Variants in SLC24A3 observed in about 807,000 individuals in gnomAD.
The protein encoded by SLC24A3 is solute carrier family 24 member 3.
A neutral mutation model predicts 75.8 loss-of-function variants in SLC24A3; 28 were observed. The observed-to-expected ratio is 0.37, with a 90% confidence interval of 0.27 to 0.51. The LOEUF (loss-of-function observed/expected upper bound fraction) is 0.51, where lower values mean the gene tolerates loss of function less well. Ranked by LOEUF, SLC24A3 falls within the 20% of genes least tolerant of loss-of-function variation. The pLI is 0.94. For synonymous variants in SLC24A3, 372 were observed against 334.1 expected, an observed-to-expected ratio of 1.11 and a Z score of -1.24; for missense variants, 663 against 847.8, an observed-to-expected ratio of 0.78 and a Z score of 2.71.
chr20:19,679,501 C>CGGAGAGGCAGACCGTGG (rs2032581731), intron 9 of SLC24A3, among the ~76,000 whole-genome samples: 1 of 107,118 alleles, frequency 9.3e-6, no homozygotes, highest in South Asian at 4.3e-4. Flanking sequence ...TGGAAAGAGA[C>CGGAGAGGCAGACCGTGG]GGAGAGGGAG....
At chr20:19,490,781 G>A (rs1464786430) in intron 2 of SLC24A3, among the ~76,000 whole-genome samples, 1 of 152,140 alleles carries the variant, frequency 6.6e-6, no homozygotes, top group Non-Finnish European at 1.5e-5. Flanking sequence ...TGCCTAGGGG[G>A]CAAATGGGGA....
intron 2 of SLC24A3, among the ~76,000 whole-genome samples, chr20:19,351,484 C>G (rs1985563846): frequency 6.6e-6 from 1 of 152,164 alleles, no homozygotes; most frequent in Non-Finnish European, 1.5e-5. Context: ...GCCTTATGTC[C>G]TGGCCTGCGA....
intron 2 of SLC24A3, among the ~76,000 whole-genome samples, chr20:19,496,785 A>G (rs542437289): frequency 2.6e-5 from 4 of 152,064 alleles, no homozygotes; most frequent in South Asian, 2.1e-4. Context: ...GTGTAGAAGC[A>G]CTCTGGGAGC....
intron 4 of SLC24A3, among the ~76,000 whole-genome samples, chr20:19,580,328 A>T (rs759509952): frequency 2.0e-4 from 31 of 151,960 alleles, no homozygotes; most frequent in Non-Finnish European, 1.3e-4. Context: ...CTCCATTTAG[A>T]CCTAACTAAT....
chr20:19,286,400 G>A (rs1648893897), intron 2 of SLC24A3, among the ~76,000 whole-genome samples: 1 of 152,062 alleles, frequency 6.6e-6, no homozygotes. Context: ...TGCGTTCAGG[G>A]TACTGGCCAT....
chr20:19,624,195 GT>G (rs1600307869), intron 6 of SLC24A3, among the ~76,000 whole-genome samples: 1 of 152,128 alleles, frequency 6.6e-6, no homozygotes, highest in Admixed American at 6.5e-5. Flanking sequence ...TCTCTCTGAT[GT>G]TTTGATTGGA....
intron 2 of SLC24A3, among the ~76,000 whole-genome samples, chr20:19,416,756 T>C (rs1986834922): frequency 6.6e-6 from 1 of 152,216 alleles, no homozygotes; most frequent in African/African-American, 2.4e-5. Flanking sequence ...TTCCCTTGCT[T>C]GGTCATTTCA....
chr20:19,233,616 A>G (rs1982086606), intron 1 of SLC24A3, among the ~76,000 whole-genome samples: 1 of 152,200 alleles, frequency 6.6e-6, no homozygotes, highest in Non-Finnish European at 1.5e-5. Context: ...TTTAGAAGAC[A>G]CCAGGAATGA....
At chr20:19,499,458 C>T (rs980986539) in intron 2 of SLC24A3, among the ~76,000 whole-genome samples, 1 of 152,158 alleles carries the variant, frequency 6.6e-6, no homozygotes, top group Admixed American at 6.6e-5. Context: ...AACAAACTCT[C>T]TCATGACTCT....
At chr20:19,470,450 C>G (rs6075515) in intron 2 of SLC24A3, among the ~76,000 whole-genome samples, 3 of 151,938 alleles carry the variant, frequency 2.0e-5, no homozygotes, top group Non-Finnish European at 4.4e-5. Flanking sequence ...GTGTTCTTCT[C>G]TCTCCCAAGT....
At chr20:19,454,150 A>G (rs1041260037) in intron 2 of SLC24A3, among the ~76,000 whole-genome samples, 1 of 152,118 alleles carries the variant, frequency 6.6e-6, no homozygotes, top group Admixed American at 6.5e-5. Flanking sequence ...ATGTAATTGA[A>G]TATTTATGGC....
chr20:19,705,959 G>A (rs1307069371), intron 15 of SLC24A3, among the ~76,000 whole-genome samples: 1 of 152,204 alleles, frequency 6.6e-6, no homozygotes. Context: ...TTATGGTGAT[G>A]AACGTCTGTT....
At chr20:19,568,931 C>T (rs1020297134) in intron 3 of SLC24A3, among the ~76,000 whole-genome samples, 1 of 151,914 alleles carries the variant, frequency 6.6e-6, no homozygotes, top group African/African-American at 2.4e-5. Context: ...ATGATGCAGC[C>T]CCTCTCGGAG....
chr20:19,217,438 A>G lies in SLC24A3; in HGVS notation c.142+4454A>G, dbSNP rs117866870. ...GCATACATACAAACATATATAGACA[A>G]ACATACACACAGACGTATGTATGTA... is the stretch of plus-strand genomic sequence containing the variant. On this transcript the variant is annotated intron_variant, in intron 1 of 16. Coordinates refer to ENST00000328041, the MANE Select transcript of SLC24A3 (RefSeq NM_020689.4). 8.5e-5 allele frequency among the ~76,000 whole-genome samples: 13 copies of G among 152,288 alleles called. No homozygotes were observed. In the East Asian group the frequency reaches 2.5e-3, roughly 29 times the overall value.
rs1983115390 is a variant in SLC24A3 at position 19,264,880 on chromosome 20, C to A, written c.143-16079C>A. 3.3e-5 allele frequency among the ~76,000 whole-genome samples: 5 copies of A among 152,296 alleles called. No homozygotes were observed. The South Asian group carries it at 1.0e-3, about 32-fold the overall frequency. ...GAAGCATTCTCAATGCATGTCTGAG[C>A]TTCCAGAGGGATCCTGGTCTTGTTA... On this transcript the variant is annotated intron_variant, in intron 1 of 16. Transcript: ENST00000328041.
At chr20:19,517,821 A>T (rs1325613530) in intron 3 of SLC24A3, among the ~76,000 whole-genome samples, 1 of 152,158 alleles carries the variant, frequency 6.6e-6, no homozygotes, top group African/African-American at 2.4e-5. Context: ...AAGCTTCAAC[A>T]CACAACATAC....
At chr20:19,711,874 G>A (rs143224454) in intron 15 of SLC24A3, among the ~76,000 whole-genome samples, 6 of 152,242 alleles carry the variant, frequency 3.9e-5, no homozygotes, top group Middle Eastern at 3.4e-3. Context: ...TCTTGACCTC[G>A]TGATCTGCCC....
At chr20:19,588,989 A>T (rs368649282) in intron 6 of SLC24A3, among the ~76,000 whole-genome samples, 3 of 152,370 alleles carry the variant, frequency 2.0e-5, no homozygotes, top group East Asian at 3.9e-4. Context: ...GGCAAGGCCC[A>T]TCTCATCTTG....
intron 15 of SLC24A3, among the ~76,000 whole-genome samples, chr20:19,716,157 G>A (rs1405381340): frequency 2.0e-5 from 3 of 152,104 alleles, no homozygotes; most frequent in Non-Finnish European, 4.4e-5. Flanking sequence ...ACAAGTTCCC[G>A]AGAGCTGCTG....
Sources: allele counts gnomAD v4.1 joint callset (sites outside exome capture counted in the v4.1 genomes callset), GRCh38; gene constraint gnomAD v4.1.1; transcripts MANE v1.5; gene names NCBI Gene and HGNC (gene_info 2026-07-23, HGNC 2026-07-21).